The following KCNMA1 variants were observed in gnomAD, a reference collection of about 807,000 sequenced individuals.
The protein encoded by KCNMA1 is potassium calcium-activated channel subfamily M alpha 1.
In KCNMA1, 29 loss-of-function variants were observed where a neutral mutation model predicts 140.0. The ratio of observed to expected loss-of-function variants is 0.21; its 90% CI spans 0.15 to 0.28. The LOEUF (loss-of-function observed/expected upper bound fraction) is 0.28, where lower values mean the gene tolerates loss of function less well. KCNMA1 is among the 10% of genes least tolerant of loss of function. The pLI is 1.00. For synonymous variants in KCNMA1, 612 were observed against 611.9 expected (o/e 1.00, Z 0.00); for missense variants, 880 against 1,602.2 (o/e 0.55, Z 7.70).
intron 1 of KCNMA1, among the ~76,000 whole-genome samples, chr10:77,453,974 C>G (rs183781470): frequency 6.6e-6 from 1 of 152,188 alleles, no homozygotes; most frequent in East Asian, 1.9e-4. Context: ...AAAAAATTAG[C>G]CCTAGATTAA....
intron 1 of KCNMA1, among the ~76,000 whole-genome samples, chr10:77,472,696 TG>T (rs367802770): frequency 1.3e-5 from 2 of 152,242 alleles, no homozygotes; most frequent in African/African-American, 4.8e-5. Context: ...ATTCTGTTGT[TG>T]TTTGGCACTA....
intron 23 of KCNMA1, among the ~76,000 whole-genome samples, chr10:76,930,934 A>G (rs1297857268): frequency 1.3e-5 from 2 of 152,180 alleles, no homozygotes; most frequent in Non-Finnish European, 2.9e-5. Context: ...GGAATCTAAA[A>G]AGTTGAACTC....
intron 1 of KCNMA1, among the ~76,000 whole-genome samples, chr10:77,622,584 A>C (rs1464324003): frequency 6.6e-6 from 1 of 152,246 alleles, no homozygotes; most frequent in Non-Finnish European, 1.5e-5. Flanking sequence ...AACCAGACAC[A>C]CAGTAATCAC....
intron 2 of KCNMA1, among the ~76,000 whole-genome samples, chr10:77,341,988 C>A (rs774543885): frequency 2.0e-5 from 3 of 152,232 alleles, no homozygotes; most frequent in Non-Finnish European, 4.4e-5. Flanking sequence ...AAAGACCCCT[C>A]TGGTGAGGGG....
intron 2 of KCNMA1, among the ~76,000 whole-genome samples, chr10:77,260,490 C>A (rs769271933): frequency 1.3e-5 from 2 of 152,158 alleles, no homozygotes; most frequent in Non-Finnish European, 2.9e-5. Flanking sequence ...AGGTGGGTCA[C>A]CTGAGGTCAG....
At chr10:77,112,037 T>C (rs2097337712) in intron 7 of KCNMA1, among the ~76,000 whole-genome samples, 1 of 152,210 alleles carries the variant, frequency 6.6e-6, no homozygotes, top group African/African-American at 2.4e-5. Flanking sequence ...CCCCAGACCT[T>C]TTCCAGGTGT....
chr10:77,493,598 C>T (rs546435256), intron 1 of KCNMA1, among the ~76,000 whole-genome samples: 1 of 152,218 alleles, frequency 6.6e-6, no homozygotes, highest in Non-Finnish European at 1.5e-5. Context: ...CCTAGAGTTG[C>T]CTGCAAAAGG....
chr10:77,478,896 T>G lies in KCNMA1; in HGVS notation c.379-74873A>C, dbSNP rs1457044235. Among the ~76,000 whole-genome samples the G allele has an allele frequency of 2.6e-5, 4 of 152,186 alleles. No homozygotes were observed. In the East Asian group the frequency reaches 7.7e-4, roughly 29 times the overall value. On this transcript the variant is annotated intron_variant, in intron 1 of 27. Coordinates refer to ENST00000286628, the MANE Select transcript of KCNMA1 (RefSeq NM_001161352.2). ...GATATAGTCATTTAAAATATGTTTA[T>G]AGAGTCCCAGTGTCACTTGGAAATG...
At chr10:76,902,065 G>T (rs557245046) in intron 25 of KCNMA1, 1 of 152,340 alleles carries the variant, frequency 6.6e-6, no homozygotes, top group Admixed American at 6.5e-5. Flanking sequence ...TGTGATGGGA[G>T]TGAGGGTTGG....
intron 1 of KCNMA1, among the ~76,000 whole-genome samples, chr10:77,421,551 C>T (rs1374030814): frequency 6.6e-6 from 1 of 152,198 alleles, no homozygotes; most frequent in Non-Finnish European, 1.5e-5. Flanking sequence ...TGGCCTTAGA[C>T]AATATATAAA....
At chr10:77,363,117 A>ATT (rs757624721) in intron 2 of KCNMA1, among the ~76,000 whole-genome samples, 6 of 61,212 alleles carry the variant, frequency 9.8e-5, no homozygotes, top group African/African-American at 4.0e-4. Flanking sequence ...AAGAATTATT[A>ATT]TTATTTTTTT....
intron 20 of KCNMA1, among the ~76,000 whole-genome samples, chr10:76,959,105 C>T (rs1458879394): frequency 2.0e-5 from 3 of 152,180 alleles, no homozygotes; most frequent in African/African-American, 7.2e-5. Flanking sequence ...CTTCTCTACC[C>T]CACCACCAAC....
At chr10:77,211,792 T>C (rs1330865155) in intron 3 of KCNMA1, among the ~76,000 whole-genome samples, 3 of 151,962 alleles carry the variant, frequency 2.0e-5, no homozygotes, top group African/African-American at 7.3e-5. Flanking sequence ...ACAAAAGACA[T>C]GAAATGACAC....
chr10:76,892,093 C>T (rs2040346964), intron 25 of KCNMA1, among the ~76,000 whole-genome samples: 1 of 152,060 alleles, frequency 6.6e-6, no homozygotes, highest in South Asian at 2.1e-4. Flanking sequence ...TGCAGCCTGC[C>T]CCAGCTACTA....
At chr10:76,890,140 C>T (rs985890054) in intron 26 of KCNMA1, among the ~76,000 whole-genome samples, 1 of 152,196 alleles carries the variant, frequency 6.6e-6, no homozygotes, top group African/African-American at 2.4e-5. Context: ...ATGTGTTTCC[C>T]TAGGAGCCAG....
At chr10:76,889,895 T>C (rs2039134423) in intron 26 of KCNMA1, 1 of 395,640 alleles carries the variant, frequency 2.5e-6, no homozygotes, top group Non-Finnish European at 4.8e-6. Context: ...TGGTCTCAGA[T>C]GTATGCTCAG....
At chr10:77,416,323 G>A (rs35688651) in intron 1 of KCNMA1, among the ~76,000 whole-genome samples, 4 of 152,166 alleles carry the variant, frequency 2.6e-5, no homozygotes, top group Non-Finnish European at 4.4e-5. Context: ...ATAGGGGAAA[G>A]GGGAAGGCAA....
At chr10:77,153,478 C>T (rs2098447770) in intron 5 of KCNMA1, among the ~76,000 whole-genome samples, 1 of 152,100 alleles carries the variant, frequency 6.6e-6, no homozygotes, top group South Asian at 2.1e-4. Flanking sequence ...CTCAAAGGAT[C>T]CTTTCACCTC....
At chr10:77,480,788 T>C (rs2098378781) in intron 1 of KCNMA1, among the ~76,000 whole-genome samples, 1 of 152,014 alleles carries the variant, frequency 6.6e-6, no homozygotes, top group Non-Finnish European at 1.5e-5. Context: ...ATGAACCTTT[T>C]CTCTCCCCAT....
Sources: gnomAD v4.1 joint callset for allele counts (sites outside exome capture counted in the v4.1 genomes callset) on GRCh38, gnomAD v4.1.1 for gene constraint, MANE v1.5 for transcripts, NCBI Gene and HGNC (gene_info 2026-07-23, HGNC 2026-07-21) for gene names.